TSHZ2: variants seen among roughly 807,000 people sequenced by gnomAD.
TSHZ2 encodes the protein teashirt homolog 2.
In TSHZ2, 21 loss-of-function variants were observed where a neutral mutation model predicts 74.4. The ratio of observed to expected loss-of-function variants is 0.28; its 90% CI spans 0.20 to 0.41. TSHZ2 has a LOEUF of 0.41. Among genes scored for constraint, TSHZ2 ranks in the 10% least tolerant of loss-of-function variants. The probability of loss-of-function intolerance (pLI) is 1.00; values close to 1 mark genes in which losing one functional copy is unlikely to be tolerated. For synonymous variants in TSHZ2, 540 were observed against 515.3 expected (o/e 1.05, Z -0.65); for missense variants, 1,244 against 1,293.5 (o/e 0.96, Z 0.59).
At chr20:53,461,947 A>C (rs1307314602) in intron 2 of TSHZ2, among the ~76,000 whole-genome samples, 1 of 152,180 alleles carries the variant, frequency 6.6e-6, no homozygotes, top group Non-Finnish European at 1.5e-5. Context: ...AAAGAGAGCT[A>C]TGGCCCAGGA....
intron 1 of TSHZ2, among the ~76,000 whole-genome samples, chr20:53,099,423 A>T (rs1201621871): frequency 6.6e-6 from 1 of 151,578 alleles, no homozygotes; most frequent in Non-Finnish European, 1.5e-5. Context: ...ACAATCTCTC[A>T]CATCTGAAAT....
chr20:53,147,554 T>C (rs1987571754), intron 1 of TSHZ2, among the ~76,000 whole-genome samples: 1 of 152,244 alleles, frequency 6.6e-6, no homozygotes, highest in Admixed American at 6.5e-5. Context: ...CATGTCATAA[T>C]ATCATTAGAA....
At chr20:53,105,382 C>T (rs1986331694) in intron 1 of TSHZ2, among the ~76,000 whole-genome samples, 1 of 152,198 alleles carries the variant, frequency 6.6e-6, no homozygotes, top group African/African-American at 2.4e-5. Flanking sequence ...GGCCTCTCCC[C>T]AGTGGATGCT....
Position 53,255,423 on chromosome 20 carries a change from G to A in TSHZ2, c.1965G>A (p.Glu655=), listed in dbSNP as rs2123726227. 6.2e-7 allele frequency: 1 copy of A among 1,613,078 alleles called. No individual in the cohort carries two copies. Among genetic ancestry groups the A allele is most frequent in the East Asian group, 2.2e-5 (1 of 44,878 alleles). Residue 655 remains glutamate (E), a synonymous_variant, in exon 2 of 3, where the codon GAG becomes GAA. Transcript: ENST00000371497. This position sits in a 1 kb window ranked among gnomAD's most constrained non-coding sequence, Gnocchi z 4.1. ...AGCTGGGTCCCCTGAAGGAGGAGGAGAAGCTGATGAAAGAGGGCAGCGAGA... is the reference window on the plus strand; with the variant it reads ...AGCTGGGTCCCCTGAAGGAGGAGGAAAAGCTGATGAAAGAGGGCAGCGAGA... ...KTELGPLKEE[E]KLMKEGSEKE...
chr20:53,482,021 T>C (rs6097446), intron 2 of TSHZ2, among the ~76,000 whole-genome samples: 30,132 of 149,482 alleles, frequency 0.2, 3,177 homozygotes, highest in East Asian at 0.3. Flanking sequence ...GGAGAATTGC[T>C]TGAATCCGGG....
At chr20:52,999,522 G>A (rs553933281) in intron 1 of TSHZ2, among the ~76,000 whole-genome samples, 4 of 152,200 alleles carry the variant, frequency 2.6e-5, no homozygotes, top group Admixed American at 2.6e-4. Flanking sequence ...ATGACTGACT[G>A]ACAGATGGAA....
intron 1 of TSHZ2, among the ~76,000 whole-genome samples, chr20:53,251,655 A>C (rs1163833120): frequency 6.6e-6 from 1 of 152,208 alleles, no homozygotes; most frequent in Non-Finnish European, 1.5e-5. Context: ...ACACCACACC[A>C]ATAGCAGTAA....
intron 2 of TSHZ2, among the ~76,000 whole-genome samples, chr20:53,470,825 T>A (rs1985777450): frequency 5.3e-5 from 8 of 151,872 alleles, no homozygotes; most frequent in Admixed American, 4.6e-4. Flanking sequence ...AAAAAATAAA[T>A]AAATAAAACA....
intron 1 of TSHZ2, among the ~76,000 whole-genome samples, chr20:53,214,312 A>G (rs1346891344): frequency 6.6e-6 from 1 of 152,168 alleles, no homozygotes. Flanking sequence ...AGTATAAAAT[A>G]TGTCAGATTA....
intron 2 of TSHZ2, among the ~76,000 whole-genome samples, chr20:53,286,407 A>G (rs1230181220): frequency 3.9e-5 from 6 of 152,256 alleles, no homozygotes; most frequent in African/African-American, 1.4e-4. Context: ...CAAGATGTCT[A>G]CAGTCCTTCA....
chr20:53,162,791 C>T (rs1227342977), intron 1 of TSHZ2, among the ~76,000 whole-genome samples: 1 of 152,110 alleles, frequency 6.6e-6, no homozygotes, highest in African/African-American at 2.4e-5. Context: ...ACTGCAGAGA[C>T]ATCTGCTGAT....
chr20:53,225,496 C>T (rs1272803448), intron 1 of TSHZ2, among the ~76,000 whole-genome samples: 1 of 152,152 alleles, frequency 6.6e-6, no homozygotes, highest in Non-Finnish European at 1.5e-5. Context: ...GGTGACTTCG[C>T]CCTCAGTGCT....
chr20:53,183,020 G>A (rs1164463804), intron 1 of TSHZ2, among the ~76,000 whole-genome samples: 1 of 152,148 alleles, frequency 6.6e-6, no homozygotes, highest in East Asian at 1.9e-4. Flanking sequence ...TGAACTTGGT[G>A]TACTGAGCAA....
chr20:52,982,232 G>A (rs994548020), intron 1 of TSHZ2, among the ~76,000 whole-genome samples: 6 of 152,236 alleles, frequency 3.9e-5, no homozygotes, highest in African/African-American at 1.2e-4. Flanking sequence ...AAGTTCGTGC[G>A]GTAGCCAAGC....
chr20:53,324,540 AC>A (rs1292813350), intron 2 of TSHZ2, among the ~76,000 whole-genome samples: 1 of 151,778 alleles, frequency 6.6e-6, no homozygotes, highest in East Asian at 1.9e-4. Context: ...ACTATGTCTA[AC>A]TCTTTGGTAT....
intron 2 of TSHZ2, among the ~76,000 whole-genome samples, chr20:53,460,070 G>A (rs4516497): frequency 0.34 from 50,760 of 151,234 alleles, 8,794 homozygotes; most frequent in Admixed American, 0.36. Flanking sequence ...TCTTTGTGGC[G>A]TTCTCTGTAT....
chr20:53,269,477 T>TCCC (rs1457955152), intron 2 of TSHZ2, among the ~76,000 whole-genome samples: 1 of 152,190 alleles, frequency 6.6e-6, no homozygotes, highest in East Asian at 1.9e-4. Flanking sequence ...GCCCCACTTG[T>TCCC]TACAACACAC....
chr20:53,439,216 A>G (rs1477279794), intron 2 of TSHZ2, among the ~76,000 whole-genome samples: 5 of 152,326 alleles, frequency 3.3e-5, no homozygotes, highest in Admixed American at 2.6e-4. Flanking sequence ...GAGATCACAC[A>G]TCATTTTGAG....
chr20:53,128,491 G>A (rs1987011087), intron 1 of TSHZ2, among the ~76,000 whole-genome samples: 2 of 152,294 alleles, frequency 1.3e-5, no homozygotes, highest in African/African-American at 2.4e-5. Flanking sequence ...TTGGTAGTAT[G>A]ATGATAGATA....
Sources: gnomAD v4.1 joint callset for allele counts (sites outside exome capture counted in the v4.1 genomes callset) on GRCh38, gnomAD v4.1.1 for gene constraint, Gnocchi (gnomAD v3.1) non-coding constraint, MANE v1.5 for transcripts, NCBI Gene and HGNC (gene_info 2026-07-23, HGNC 2026-07-21) for gene names.